YES1: variants seen among roughly 807,000 people sequenced by gnomAD.
YES1 encodes the protein tyrosine-protein kinase Yes.
YES1 carries 39 observed loss-of-function variants against 70.4 expected under a neutral mutation model. The ratio of observed to expected loss-of-function variants is 0.55; its 90% CI spans 0.43 to 0.72. The LOEUF (loss-of-function observed/expected upper bound fraction) is 0.72. YES1 is among the 30% of genes least tolerant of loss of function. The pLI is 0.00. For synonymous variants in YES1, 198 were observed against 218.6 expected (o/e 0.91, Z 0.83); for missense variants, 495 against 644.8 (o/e 0.77, Z 2.52).
At chr18:806,613 T>C (rs977186150) in intron 1 of YES1, among the ~76,000 whole-genome samples, 2 of 152,230 alleles carry the variant, frequency 1.3e-5, no homozygotes, top group African/African-American at 4.8e-5. Flanking sequence ...TTCTCAAAGA[T>C]TGCTATAAAA....
At chr18:745,120 A>C (rs2080264319) in intron 6 of YES1, among the ~76,000 whole-genome samples, 1 of 152,154 alleles carries the variant, frequency 6.6e-6, no homozygotes, top group African/African-American at 2.4e-5. Context: ...TCCTAGTATT[A>C]ATCATGTAAA....
At chr18:724,895 A>C (rs2079999878) in intron 11 of YES1, among the ~76,000 whole-genome samples, 1 of 152,142 alleles carries the variant, frequency 6.6e-6, no homozygotes, top group Non-Finnish European at 1.5e-5. Context: ...ACCCCATTTG[A>C]TTAATAAGAA....
At chr18:786,496 T>C (rs575205444) in intron 1 of YES1, among the ~76,000 whole-genome samples, 13 of 139,436 alleles carry the variant, frequency 9.3e-5, no homozygotes, top group Admixed American at 3.7e-4. Context: ...AATAAGTCCA[T>C]ACACACACAC....
chr18:776,629 A>G (rs1051095332), intron 1 of YES1, among the ~76,000 whole-genome samples: 1 of 152,190 alleles, frequency 6.6e-6, no homozygotes, highest in African/African-American at 2.4e-5. Context: ...CCTAGAAGAC[A>G]GTCTGAAACA....
At chr18:796,315 A>G (rs1446849730) in intron 1 of YES1, among the ~76,000 whole-genome samples, 2 of 152,248 alleles carry the variant, frequency 1.3e-5, no homozygotes, top group Non-Finnish European at 2.9e-5. Flanking sequence ...AAATAAAGAT[A>G]TCAAGAATAC....
chr18:748,167 AATG>A (rs1225399599), intron 3 of YES1, 149 bp from the exon 4 acceptor site: 6 of 624,502 alleles, frequency 9.6e-6, no homozygotes, highest in Non-Finnish European at 1.7e-5. Context: ...AAACTCAAAG[AATG>A]ATATTAAAAA....
intron 9 of YES1, 121 bp from the exon 10 acceptor site, chr18:737,082 G>A (rs2080162621): frequency 2.5e-6 from 2 of 800,940 alleles, no homozygotes; most frequent in Non-Finnish European, 3.8e-6. Context: ...AGGAGATGAT[G>A]GTAACAGGGT....
rs76363818 is a variant in YES1 at position 741,872 on chromosome 18, A to C, written c.1060+1046T>G. ...TATTTGGCAACTGTTTGCAGTAGAC[A>C]TTCCTTCCAAAGAGCGCCAGGTGCT... On this transcript the variant is annotated intron_variant, in intron 8 of 11. Coordinates refer to ENST00000314574, the MANE Select transcript of YES1 (RefSeq NM_005433.4). 8.4e-4 allele frequency among the ~76,000 whole-genome samples: 128 copies of C among 152,310 alleles called. 2 individuals are homozygous for C. The East Asian group carries it at 0.023, about 27-fold the overall frequency.
intron 1 of YES1, among the ~76,000 whole-genome samples, chr18:795,009 T>C (rs1389579051): frequency 6.6e-6 from 1 of 152,024 alleles, no homozygotes; most frequent in African/African-American, 2.4e-5. Flanking sequence ...ATAGACAAGG[T>C]TTCACCCATT....
Position 749,355 on chromosome 18 carries a change from G to A in YES1, c.372-1337C>T, listed in dbSNP as rs577323333. On this transcript the variant is annotated intron_variant, in intron 3 of 11. Coordinates refer to ENST00000314574, the MANE Select transcript of YES1 (RefSeq NM_005433.4). Reference sequence around the variant, plus strand: ...CCTACTAAAAATACAAAAATTAGGTGGGAGTGGTGGCGTGTGCCTGTAATC... The same window carrying A: ...CCTACTAAAAATACAAAAATTAGGTAGGAGTGGTGGCGTGTGCCTGTAATC... Among the ~76,000 whole-genome samples the A allele has an allele frequency of 2.4e-4, 36 of 151,726 alleles. No individual in the cohort carries two copies. The South Asian group carries it at 4.4e-3, about 18-fold the overall frequency.
rs188078358 is a variant in YES1 at position 737,005 on chromosome 18, G to C, written c.1138-44C>G. On this transcript the variant is annotated intron_variant, in intron 9 of 11. Transcript: ENST00000314574. ...AAAAACACAAGACATACGATACAAA[G>C]GGAAGCAGAGAGAAGACAATTATGG... The C allele has an allele frequency of 1.1e-4, 163 of 1,500,612 alleles. 3 individuals carry two copies. The Admixed American group carries it at 3.3e-3, about 30-fold the overall frequency. The allele number at this position is 1,500,612 out of a possible 1,614,324, so 93.0% of individuals were successfully genotyped here. A position where few individuals can be genotyped will look rare whatever the true frequency, so the allele number is the denominator to read the frequency against.
intron 1 of YES1, among the ~76,000 whole-genome samples, chr18:774,388 T>C (rs1445335210): frequency 6.6e-6 from 1 of 152,218 alleles, no homozygotes; most frequent in Non-Finnish European, 1.5e-5. Flanking sequence ...AACTCACTTT[T>C]AACTGTCTAC....
At position 732,299 on chromosome 18, in the gene YES1, G is replaced by C. The variant is rs186477970; in HGVS notation, c.1423+535C>G. 7.2e-4 allele frequency among the ~76,000 whole-genome samples: 110 copies of C among 151,956 alleles called. 1 individual carries two copies. Among genetic ancestry groups the C allele is most frequent in the Admixed American group, 1.2e-3 (18 of 15,246 alleles). ...ACTAAAAATACAAAAAATTAGCTGG[G>C]TGTGGTGGTGGGTGCCTGTAATCCC... On this transcript the variant is annotated intron_variant, in intron 11 of 11. Transcript: ENST00000314574.
intron 1 of YES1, among the ~76,000 whole-genome samples, chr18:792,527 ATCTCTCTC>A (rs374164158): frequency 1.5e-4 from 17 of 115,350 alleles, no homozygotes; most frequent in Admixed American, 4.4e-4. Context: ...CTGAGACTCC[ATCTCTCTC>A]TCTCTCTCTC....
chr18:737,114 A>C, intron 9 of YES1, 153 bp from the exon 10 acceptor site: 1 of 625,520 alleles, frequency 1.6e-6, no homozygotes, highest in South Asian at 2.8e-5. Flanking sequence ...GATAACAGGA[A>C]AACCAGAAAA....
chr18:784,468 T>C (rs1905835970), intron 1 of YES1, among the ~76,000 whole-genome samples: 1 of 152,238 alleles, frequency 6.6e-6, no homozygotes, highest in African/African-American at 2.4e-5. Context: ...TATTAATTAT[T>C]GCTGCTACAA....
intron 1 of YES1, among the ~76,000 whole-genome samples, chr18:757,323 G>GA (rs1396411950): frequency 2.0e-5 from 3 of 151,808 alleles, no homozygotes; most frequent in Non-Finnish European, 4.4e-5. Context: ...CTAACACGGT[G>GA]AAACCCCGCC....
chr18:754,881 C>T (rs756787886), intron 2 of YES1, among the ~76,000 whole-genome samples: 1 of 152,156 alleles, frequency 6.6e-6, no homozygotes, highest in Non-Finnish European at 1.5e-5. Flanking sequence ...GTCCAACCCT[C>T]TATAATGTAA....
intron 11 of YES1, among the ~76,000 whole-genome samples, chr18:729,619 C>CTTT (rs869223956): frequency 1.3e-3 from 97 of 75,426 alleles, no homozygotes; most frequent in East Asian, 2.1e-3. Flanking sequence ...TGATTTTGAA[C>CTTT]TTTTTTTTTT....
Sources: allele counts gnomAD v4.1 joint callset (sites outside exome capture counted in the v4.1 genomes callset), GRCh38; gene constraint gnomAD v4.1.1; transcripts MANE v1.5; gene names NCBI Gene and HGNC (gene_info 2026-07-23, HGNC 2026-07-21).